MAGEB16: variants seen among roughly 807,000 people sequenced by gnomAD.
MAGEB16 encodes melanoma-associated antigen B16.
For synonymous variants in MAGEB16, 95 were observed against 92.1 expected (o/e 1.03, Z -0.18); for missense variants, 217 against 234.0 (o/e 0.93, Z 0.47).
rs764208994 is a variant in MAGEB16 at position 35,803,130 on chromosome X, G to T, written c.934G>T (p.Ala312Ser). Residue 312 changes from alanine (A) to serine (S), a missense_variant, in exon 2 of 2, where the codon GCT (alanine) becomes TCT (serine). Transcript: ENST00000399988. Reference sequence around the variant, plus strand: ...TTCTTTCCCATCTCAGTATGCGGAAGCTCTGAAAGAGGAAGAAGAGAGAGC... The same window carrying T: ...TTCTTTCCCATCTCAGTATGCGGAATCTCTGAAAGAGGAAGAAGAGAGAGC... The T allele has an allele frequency of 5.0e-6, 6 of 1,195,640 alleles. No homozygotes were observed. The African/African-American group carries it at 8.8e-5, about 18-fold the overall frequency.
At chrX:35,802,796 G>T (rs1159011561) in exon 2 of MAGEB16, 6 of 1,211,514 alleles carry the variant, frequency 5.0e-6, no homozygotes, top group Non-Finnish European at 6.7e-6. Flanking sequence ...AAAAGGGTGT[G>T]CCCAAGACTG....
chrX:35,803,072 G>A (rs769326086), exon 2 of MAGEB16: 1 of 1,210,189 alleles, frequency 8.3e-7, no homozygotes, highest in African/African-American at 1.7e-5. Flanking sequence ...AAGTCCTGGA[G>A]TTTGTGGCCA....
chrX:35,803,515 A>G (rs1277549258), exon 2 of MAGEB16: 3 of 167,330 alleles, frequency 1.8e-5, no homozygotes. Flanking sequence ...TTAGTGGCAT[A>G]TGTTTTGCTG....
chrX:35,800,577 C>A, intron 1 of MAGEB16: 3 of 525,275 alleles, frequency 5.7e-6, no homozygotes, highest in Non-Finnish European at 1.0e-5. Context: ...AAGTAAGGAC[C>A]CTGAGTGAGG....
In MAGEB16 at chrX:35,802,865, G is replaced by C. The variant is rs776228818; in HGVS notation, c.669G>C (p.Glu223Asp). The change falls in exon 2 of 2, where the codon GAG becomes GAC. Residue 223 changes from glutamate (E) to aspartate (D), a missense_variant. Coordinates refer to ENST00000399988, the Ensembl canonical transcript of MAGEB16. ...TGAAGGGCAACCGTGCCACTGAAGA[G>C]GAAGTCTGGGAAGTGCTGAATTTGA... 33 of 1,211,891 alleles carry C rather than the reference G, an allele frequency of 2.7e-5. No individual in the cohort carries two copies. The Admixed American group carries it at 7.2e-4, about 26-fold the overall frequency.
At position 35,802,267 on chromosome X, in the gene MAGEB16, GC is replaced by G; in HGVS notation, c.73del (p.Leu25TrpfsTer21). 1 of 1,211,344 alleles carries G rather than the reference GC, an allele frequency of 8.3e-7. No homozygotes were observed. Among genetic ancestry groups the G allele is most frequent in the Non-Finnish European group, 1.1e-6 (1 of 895,310 alleles). On this transcript the variant is annotated frameshift_variant, in exon 2 of 2. Transcript: ENST00000399988. LOFTEE classifies it low-confidence loss of function (END_TRUNC). ...CTTCAGACCTTCAGTGAGACCCAGA[GC>G]CTGGAGGTTGCACAGGTCTCCAAGG... is the stretch of plus-strand genomic sequence containing the variant.
chrX:35,800,695 C>T (rs900788480), intron 1 of MAGEB16: 7 of 470,834 alleles, frequency 1.5e-5, no homozygotes, highest in Admixed American at 6.7e-5. Flanking sequence ...GAGATATCTA[C>T]TTATTTCCTG....
chrX:35,802,332 G>C, exon 2 of MAGEB16: 1 of 1,210,239 alleles, frequency 8.3e-7, no homozygotes, highest in South Asian at 1.8e-5. Context: ...CCATCCTCTA[G>C]TGCCTGGCAA....
chrX:35,800,357 G>A (rs979980367), intron 1 of MAGEB16, among the ~76,000 whole-genome samples: 8 of 111,318 alleles, frequency 7.2e-5, no homozygotes, highest in Admixed American at 6.7e-4. Context: ...GTCTCAGGAA[G>A]TGAGTGTCAT....
intron 1 of MAGEB16, among the ~76,000 whole-genome samples, chrX:35,800,083 G>A (rs778909432): frequency 2.9e-4 from 32 of 111,375 alleles, no homozygotes; most frequent in Non-Finnish European, 4.5e-4. Context: ...ATAGGAGGCT[G>A]GATATCTAGA....
chrX:35,800,565 C>T (rs1368688536), intron 1 of MAGEB16: 2 of 525,416 alleles, frequency 3.8e-6, no homozygotes, highest in East Asian at 7.2e-5. Flanking sequence ...AACCAGTAGT[C>T]AAAGTAAGGA....
At chrX:35,799,284 C>A (rs1291904212) in intron 1 of MAGEB16, among the ~76,000 whole-genome samples, 2 of 110,888 alleles carry the variant, frequency 1.8e-5, no homozygotes, top group Non-Finnish European at 3.8e-5. Context: ...GGCGTTTGCT[C>A]ATTTCCTTTG....
At position 35,802,833 on chromosome X, in the gene MAGEB16, A is replaced by G. The variant is rs1301222145; in HGVS notation, c.637A>G (p.Ile213Val). 3 of 1,209,748 alleles carry G rather than the reference A, an allele frequency of 2.5e-6. No homozygotes were observed. In the South Asian group the frequency reaches 5.3e-5, roughly 21 times the overall value. Reference sequence around the variant, plus strand: ...CCTCCTGATAATTGTCCTGGGTGTGATCTTCATGAAGGGCAACCGTGCCAC... The same window carrying G: ...CCTCCTGATAATTGTCCTGGGTGTGGTCTTCATGAAGGGCAACCGTGCCAC... The change falls in exon 2 of 2, where the codon ATC (isoleucine) becomes GTC (valine). Residue 213 changes from isoleucine (I) to valine (V), a missense_variant. By Grantham distance (29) the Ile-to-Val change is conservative (BLOSUM62 3). Coordinates refer to ENST00000399988, the Ensembl canonical transcript of MAGEB16.
chrX:35,798,599 G>A (rs1176870816), intron 1 of MAGEB16, 181 bp downstream of exon 1: 4 of 111,299 alleles, frequency 3.6e-5, no homozygotes, highest in East Asian at 2.8e-4. Flanking sequence ...TAGATTTGCC[G>A]AGAGTTAAAA....
chrX:35,799,032 G>A (rs1002360102), intron 1 of MAGEB16, among the ~76,000 whole-genome samples: 2 of 104,086 alleles, frequency 1.9e-5, no homozygotes, highest in Middle Eastern at 4.9e-3. Context: ...CACCATGCGC[G>A]GCTAATTTTT....
chrX:35,799,181 C>G (rs1008878684), intron 1 of MAGEB16, among the ~76,000 whole-genome samples: 5 of 110,063 alleles, frequency 4.5e-5, no homozygotes, highest in Non-Finnish European at 9.5e-5. Flanking sequence ...TGCGCCCGGC[C>G]TCTGAATGAG....
At chrX:35,801,563 T>C (rs1017441923) in intron 1 of MAGEB16, among the ~76,000 whole-genome samples, 2 of 112,043 alleles carry the variant, frequency 1.8e-5, no homozygotes, top group Non-Finnish European at 3.8e-5. Flanking sequence ...TGGAACCTTT[T>C]GTCTGAGGGG....
exon 2 of MAGEB16, chrX:35,802,735 A>G (rs1309014220): frequency 5.0e-6 from 6 of 1,209,142 alleles, no homozygotes; most frequent in Non-Finnish European, 6.7e-6. Flanking sequence ...ACCCATTGCT[A>G]TGGCCTCTTC....
chrX:35,800,185 C>T (rs772085584), intron 1 of MAGEB16, among the ~76,000 whole-genome samples: 4 of 111,118 alleles, frequency 3.6e-5, no homozygotes, highest in South Asian at 3.9e-4. Context: ...AGGAGTCTCT[C>T]GCAGTGCCTG....
Sources: allele counts gnomAD v4.1 joint callset (sites outside exome capture counted in the v4.1 genomes callset), GRCh38; gene constraint gnomAD v4.1.1; transcripts MANE v1.5; gene names NCBI Gene and HGNC (gene_info 2026-07-23, HGNC 2026-07-21).